NETO1: variants seen among roughly 807,000 people sequenced by gnomAD.
The protein encoded by NETO1 is neuropilin and tolloid-like protein 1.
In NETO1, 26 loss-of-function variants were observed where a neutral mutation model predicts 61.3. The observed-to-expected ratio is 0.42, with a 90% CI of 0.31 to 0.59. The LOEUF is 0.59. Ranked by LOEUF, NETO1 falls within the 20% of genes least tolerant of loss-of-function variation. NETO1 has a pLI of 0.12. For synonymous variants in NETO1, 225 were observed against 225.8 expected (o/e 1.00, Z 0.03); for missense variants, 531 against 662.8 (o/e 0.80, Z 2.18).
chr18:72,771,969 C>A (rs1328409818), intron 7 of NETO1, among the ~76,000 whole-genome samples: 1 of 152,070 alleles, frequency 6.6e-6, no homozygotes, highest in African/African-American at 2.4e-5. Context: ...TCTCTGAAGG[C>A]TAAAATCAAG....
chr18:72,788,396 G>A (rs2071994299), intron 6 of NETO1, among the ~76,000 whole-genome samples: 1 of 152,032 alleles, frequency 6.6e-6, no homozygotes. Context: ...CAGAAAACGT[G>A]ATCACGCTTT....
At chr18:72,786,915 AAAAC>A (rs968103730) in intron 6 of NETO1, among the ~76,000 whole-genome samples, 18 of 151,556 alleles carry the variant, frequency 1.2e-4, no homozygotes, top group Admixed American at 3.3e-4. Context: ...CCCCATCTCC[AAAAC>A]AAACAAACAA....
chr18:72,808,800 T>A (rs928858113), intron 4 of NETO1, among the ~76,000 whole-genome samples: 4 of 152,210 alleles, frequency 2.6e-5, no homozygotes, highest in Non-Finnish European at 5.9e-5. Context: ...TTAGCAGTGT[T>A]CTCTGTTGGT....
intron 7 of NETO1, among the ~76,000 whole-genome samples, chr18:72,761,382 T>G (rs2070966709): frequency 6.6e-6 from 1 of 152,206 alleles, no homozygotes; most frequent in Non-Finnish European, 1.5e-5. Context: ...TTATGCATAT[T>G]AAATAAAATA....
chr18:72,756,131 G>A lies in NETO1; in HGVS notation c.885C>T (p.Asn295=). The change falls in exon 8 of 11, where the codon AAC becomes AAT. Residue 295 remains asparagine, a synonymous_variant. Transcript: ENST00000327305. ...ACATGTTACTATGGCAGAAGAATGT[G>A]TTGCCTTCACAAGGAGCTAAAAAGA... ...TSFQEPPCEG[N]TFFCHSNMCI... 1 of 1,597,704 alleles carries A rather than the reference G, an allele frequency of 6.3e-7. No homozygotes were observed. The highest frequency in any genetic ancestry group is 8.6e-7 in the Non-Finnish European group (1 of 1,166,538).
At chr18:72,765,423 T>A (rs1185494712) in intron 7 of NETO1, among the ~76,000 whole-genome samples, 1 of 152,084 alleles carries the variant, frequency 6.6e-6, no homozygotes, top group African/African-American at 2.4e-5. Flanking sequence ...AAAAATTCTT[T>A]TTTTTTTTAA....
chr18:72,813,026 T>C (rs181479701), intron 4 of NETO1, among the ~76,000 whole-genome samples: 104 of 152,274 alleles, frequency 6.8e-4, no homozygotes, highest in Admixed American at 2.6e-3. Flanking sequence ...GGGAATCTGA[T>C]GAGAGAGCCA....
At chr18:72,772,959 T>C (rs2071425985) in intron 7 of NETO1, among the ~76,000 whole-genome samples, 1 of 150,018 alleles carries the variant, frequency 6.7e-6, no homozygotes, top group African/African-American at 2.4e-5. Context: ...GTTCACAGTA[T>C]TTCTGCTGAG....
intron 7 of NETO1, among the ~76,000 whole-genome samples, chr18:72,761,995 A>T: frequency 6.6e-6 from 1 of 152,182 alleles, no homozygotes; most frequent in East Asian, 1.9e-4. Context: ...TAATCCAAAT[A>T]TTTCCAATCT....
chr18:72,773,344 T>A (rs1041661620), intron 7 of NETO1, among the ~76,000 whole-genome samples: 2 of 152,124 alleles, frequency 1.3e-5, no homozygotes, highest in Non-Finnish European at 2.9e-5. Context: ...TTTAAGAGCC[T>A]TTATATACAT....
At chr18:72,825,274 T>G (rs1261451173) in intron 4 of NETO1, among the ~76,000 whole-genome samples, 1 of 152,196 alleles carries the variant, frequency 6.6e-6, no homozygotes, top group Non-Finnish European at 1.5e-5. Context: ...CATCAAATAA[T>G]AGCTGATGCT....
chr18:72,861,585 C>A (rs764260356), intron 3 of NETO1, among the ~76,000 whole-genome samples: 2 of 152,168 alleles, frequency 1.3e-5, no homozygotes, highest in Non-Finnish European at 2.9e-5. Flanking sequence ...AGCACTTTCA[C>A]CTGGATAGTG....
intron 7 of NETO1, among the ~76,000 whole-genome samples, chr18:72,772,949 G>A (rs2071425828): frequency 6.8e-6 from 1 of 147,764 alleles, no homozygotes; most frequent in Non-Finnish European, 1.5e-5. Flanking sequence ...TCCTGTCCAA[G>A]TTCACAGTAT....
chr18:72,845,997 C>A (rs1441085627), intron 4 of NETO1, among the ~76,000 whole-genome samples: 1 of 152,032 alleles, frequency 6.6e-6, no homozygotes, highest in African/African-American at 2.4e-5. Flanking sequence ...AAACTAAATA[C>A]CCTGTCTATT....
chr18:72,775,204 ACC>A (rs2071506338), intron 7 of NETO1, among the ~76,000 whole-genome samples: 1 of 152,114 alleles, frequency 6.6e-6, no homozygotes, highest in Admixed American at 6.6e-5. Context: ...GTAAATACTT[ACC>A]CTTTTCAGTG....
chr18:72,818,031 T>C (rs2073080314), intron 4 of NETO1, among the ~76,000 whole-genome samples: 1 of 152,204 alleles, frequency 6.6e-6, no homozygotes, highest in African/African-American at 2.4e-5. Flanking sequence ...TATAAAAATC[T>C]TGCACATGAA....
chr18:72,833,801 A>T (rs1341830706), intron 4 of NETO1, among the ~76,000 whole-genome samples: 2 of 152,206 alleles, frequency 1.3e-5, no homozygotes, highest in Non-Finnish European at 2.9e-5. Flanking sequence ...ACTAGTCTTC[A>T]TTTTAAAACA....
At chr18:72,859,773 T>C (rs1372508631) in intron 3 of NETO1, among the ~76,000 whole-genome samples, 1 of 152,164 alleles carries the variant, frequency 6.6e-6, no homozygotes, top group African/African-American at 2.4e-5. Flanking sequence ...TTCTTACATT[T>C]TTGAATATCT....
chr18:72,864,444 TCTA>T (rs2074672741), intron 3 of NETO1, among the ~76,000 whole-genome samples: 1 of 152,204 alleles, frequency 6.6e-6, no homozygotes, highest in Non-Finnish European at 1.5e-5. Flanking sequence ...TGCAAGTTAT[TCTA>T]CTAATTGTTG....
Sources: gnomAD v4.1 joint callset for allele counts (sites outside exome capture counted in the v4.1 genomes callset) on GRCh38, gnomAD v4.1.1 for gene constraint, MANE v1.5 for transcripts, NCBI Gene and HGNC (gene_info 2026-07-23, HGNC 2026-07-21) for gene names.